Variants in FHIT observed in about 807,000 individuals in gnomAD.
FHIT encodes fragile histidine triad diadenosine triphosphatase.
A neutral mutation model predicts 17.9 loss-of-function variants in FHIT; 19 were observed. The observed-to-expected ratio is 1.06, with a 90% CI of 0.74 to 1.56. The LOEUF is 1.56. FHIT is among the 40% of genes most tolerant of loss of function. FHIT has a pLI of 0.00. For synonymous variants in FHIT, 81 were observed against 69.7 expected (o/e 1.16, Z -0.81); for missense variants, 248 against 189.2 (o/e 1.31, Z -1.82).
At position 60,361,527 on chromosome 3, in the gene FHIT, C is replaced by A. The variant is rs80038080; in HGVS notation, c.103+175333G>T. 4.8e-3 allele frequency among the ~76,000 whole-genome samples: 724 copies of A among 152,184 alleles called. 4 individuals carry two copies. The highest frequency in any genetic ancestry group is 0.016 in the African/African-American group (656 of 41,520). On this transcript the variant is annotated intron_variant, in intron 5 of 9. Coordinates refer to ENST00000492590, the MANE Select transcript of FHIT (RefSeq NM_002012.4). Reference sequence around the variant, plus strand: ...GCAAGACTCCCCTCCTTTGACCAAGCAAGTAAACAAAGGATGGATTCTTCA... The same window carrying A: ...GCAAGACTCCCCTCCTTTGACCAAGAAAGTAAACAAAGGATGGATTCTTCA...
intron 5 of FHIT, among the ~76,000 whole-genome samples, chr3:60,513,609 AG>A (rs1461186789): frequency 6.6e-6 from 1 of 152,222 alleles, no homozygotes; most frequent in African/African-American, 2.4e-5. Context: ...AAACACACAC[AG>A]GAACAGAAAA....
intron 4 of FHIT, among the ~76,000 whole-genome samples, chr3:60,651,801 T>C (rs1338442660): frequency 3.3e-5 from 5 of 152,208 alleles, no homozygotes; most frequent in African/African-American, 9.7e-5. Flanking sequence ...CTACATGGTA[T>C]TTCTTTGACA....
intron 5 of FHIT, among the ~76,000 whole-genome samples, chr3:60,018,672 T>C (rs901786186): frequency 1.3e-5 from 2 of 152,088 alleles, no homozygotes; most frequent in African/African-American, 2.4e-5. Context: ...CCCCAAATCA[T>C]AGAGCCTTAA....
rs72875954 is a variant in FHIT at position 61,058,571 on chromosome 3, G to A, written c.-163-16472C>T. On this transcript the variant is annotated intron_variant, in intron 2 of 9. Transcript: ENST00000492590. ...GAGTGAGATCTGGTTGTTTAAAAGT[G>A]TGCAGCACTTCCCCCTTTAGTCTCT... Among the ~76,000 whole-genome samples the A allele has an allele frequency of 8.9e-3, 1,358 of 152,218 alleles. 14 individuals are homozygous for A. The highest frequency in any genetic ancestry group is 0.03 in the African/African-American group (1,241 of 41,524).
At chr3:60,687,474 T>C (rs1452684484) in intron 4 of FHIT, among the ~76,000 whole-genome samples, 4 of 152,146 alleles carry the variant, frequency 2.6e-5, no homozygotes, top group Non-Finnish European at 5.9e-5. Flanking sequence ...TACTGATTTT[T>C]GCATTTAAAC....
At chr3:60,232,603 A>G (rs947975930) in intron 5 of FHIT, among the ~76,000 whole-genome samples, 1 of 152,174 alleles carries the variant, frequency 6.6e-6, no homozygotes, top group Non-Finnish European at 1.5e-5. Context: ...TTAGCGTCCC[A>G]CATTCGCTGG....
At chr3:61,165,721 G>C (rs1318430225) in intron 2 of FHIT, 1 of 152,144 alleles carries the variant, frequency 6.6e-6, no homozygotes, top group Non-Finnish European at 1.5e-5. Flanking sequence ...TGTAATACCA[G>C]CTACTCGGGA....
At chr3:60,485,449 T>A (rs935532581) in intron 5 of FHIT, among the ~76,000 whole-genome samples, 1 of 152,132 alleles carries the variant, frequency 6.6e-6, no homozygotes, top group African/African-American at 2.4e-5. Flanking sequence ...GTGGTGCATA[T>A]ACACCATGGA....
chr3:60,515,600 G>A (rs527640006), intron 5 of FHIT, among the ~76,000 whole-genome samples: 55 of 149,834 alleles, frequency 3.7e-4, no homozygotes, highest in African/African-American at 9.5e-4. Flanking sequence ...AAATGTTCAC[G>A]GAAATAAGAG....
At position 59,967,757 on chromosome 3, in the gene FHIT, A is replaced by T. The variant is rs72877004; in HGVS notation, c.279+43614T>A. On this transcript the variant is annotated intron_variant, in intron 7 of 9. Transcript: ENST00000492590. ...AATGCTACAAAATACAACATATAGTATATAAAGCTACCATAATTCTGCTTT... is the reference window on the plus strand; with the variant it reads ...AATGCTACAAAATACAACATATAGTTTATAAAGCTACCATAATTCTGCTTT... 2.9e-3 allele frequency among the ~76,000 whole-genome samples: 446 copies of T among 152,250 alleles called. 3 individuals carry two copies. The highest frequency in any genetic ancestry group is 0.01 in the African/African-American group (422 of 41,556).
At chr3:61,050,164 A>G (rs1253969815) in intron 2 of FHIT, among the ~76,000 whole-genome samples, 2 of 152,208 alleles carry the variant, frequency 1.3e-5, no homozygotes, top group Non-Finnish European at 2.9e-5. Context: ...TCTCTTGTAA[A>G]TCTATCTTTT....
At chr3:60,833,383 T>G (rs182682758) in intron 3 of FHIT, among the ~76,000 whole-genome samples, 1 of 152,290 alleles carries the variant, frequency 6.6e-6, no homozygotes, top group East Asian at 1.9e-4. Context: ...CTTTTAATAT[T>G]CCTTCATTCC....
chr3:60,046,451 G>A (rs374770554), intron 5 of FHIT, among the ~76,000 whole-genome samples: 25 of 152,154 alleles, frequency 1.6e-4, no homozygotes, highest in Non-Finnish European at 2.4e-4. Flanking sequence ...AAGAGGGCTC[G>A]GCCAGCTGAC....
intron 5 of FHIT, among the ~76,000 whole-genome samples, chr3:60,440,871 G>C (rs2030736658): frequency 6.6e-6 from 1 of 151,982 alleles, no homozygotes; most frequent in Non-Finnish European, 1.5e-5. Flanking sequence ...AAATAACATA[G>C]GGCAATAAGT....
intron 2 of FHIT, among the ~76,000 whole-genome samples, chr3:61,190,247 A>G (rs1005118762): frequency 6.0e-4 from 91 of 152,344 alleles, no homozygotes; most frequent in African/African-American, 2.1e-3. Flanking sequence ...AGAAAAAAAC[A>G]ACCCCATCAA....
chr3:60,471,980 A>G (rs2033109814), intron 5 of FHIT, among the ~76,000 whole-genome samples: 2 of 152,174 alleles, frequency 1.3e-5, no homozygotes, highest in African/African-American at 4.8e-5. Flanking sequence ...TGCATGCCAC[A>G]ATTACATAGT....
At chr3:59,965,161 T>A (rs112614999) in intron 7 of FHIT, among the ~76,000 whole-genome samples, 2 of 152,116 alleles carry the variant, frequency 1.3e-5, no homozygotes, top group African/African-American at 4.8e-5. Context: ...CAGCAATCAA[T>A]AATAGCATGC....
intron 5 of FHIT, among the ~76,000 whole-genome samples, chr3:60,023,708 G>A (rs756296774): frequency 1.3e-5 from 2 of 152,294 alleles, no homozygotes; most frequent in South Asian, 4.2e-4. Context: ...GTATTTAGCA[G>A]ATGAAGCCTC....
At chr3:59,902,546 T>C (rs1704379047) in intron 8 of FHIT, among the ~76,000 whole-genome samples, 1 of 151,610 alleles carries the variant, frequency 6.6e-6, no homozygotes, top group African/African-American at 2.4e-5. Flanking sequence ...TCAACCTAAG[T>C]ATCCACTGAC....
Sources: allele counts gnomAD v4.1 joint callset (sites outside exome capture counted in the v4.1 genomes callset), GRCh38; gene constraint gnomAD v4.1.1; transcripts MANE v1.5; gene names NCBI Gene and HGNC (gene_info 2026-07-23, HGNC 2026-07-21).